Variants in WNT7A observed in about 807,000 individuals in gnomAD.
WNT7A encodes the protein Wnt family member 7A, also known as protein Wnt-7a.
Under a neutral mutation model 28.2 loss-of-function variants are expected in WNT7A, and 16 were observed. The ratio of observed to expected loss-of-function variants is 0.57; its 90% CI spans 0.38 to 0.86. The LOEUF is 0.86. Among genes scored for constraint, WNT7A ranks in the 40% least tolerant of loss-of-function variants. WNT7A has a pLI of 0.00. For synonymous variants in WNT7A, 190 were observed against 195.9 expected (o/e 0.97, Z 0.25); for missense variants, 411 against 489.7 (o/e 0.84, Z 1.52).
chr3:13,818,818 C>T lies in WNT7A; in HGVS notation c.*126G>A. On this transcript the variant is annotated 3_prime_UTR_variant, in exon 4 of 4. Coordinates refer to ENST00000285018, the MANE Select transcript of WNT7A (RefSeq NM_004625.4). Reference sequence around the variant, plus strand: ...CCCCCACGGATGCCTGCAGGAAACCCAGGAAAAGTACCCTCCTCAGCAGAA... The same window carrying T: ...CCCCCACGGATGCCTGCAGGAAACCTAGGAAAAGTACCCTCCTCAGCAGAA... The T allele has an allele frequency of 1.4e-6, 2 of 1,401,028 alleles. No individual in the cohort carries two copies. Among genetic ancestry groups the T allele is most frequent in the Non-Finnish European group, 1.9e-6 (2 of 1,067,412 alleles). 86.8% of individuals were successfully genotyped at this position (1,401,028 alleles called of 1,614,324 possible). A position where few individuals can be genotyped will look rare whatever the true frequency, so the allele number is the denominator to read the frequency against.
chr3:13,820,513 A>C (rs1448207635), intron 3 of WNT7A, among the ~76,000 whole-genome samples: 2 of 151,994 alleles, frequency 1.3e-5, no homozygotes, highest in East Asian at 1.9e-4. Flanking sequence ...CCTGCTGGCC[A>C]CTTAGTTCCC....
chr3:13,830,429 G>T (rs1196797972), intron 3 of WNT7A, among the ~76,000 whole-genome samples: 1 of 152,104 alleles, frequency 6.6e-6, no homozygotes, highest in Non-Finnish European at 1.5e-5. Flanking sequence ...CATGTTTCTT[G>T]TCTCCAAGCA....
Position 13,818,469 on chromosome 3 carries a change from A to G in WNT7A, c.*475T>C, listed in dbSNP as rs1163924563. 1 of 152,068 alleles carries G rather than the reference A, an allele frequency of 6.6e-6. No homozygotes were observed. The highest frequency in any genetic ancestry group is 1.5e-5 in the Non-Finnish European group (1 of 68,052). The allele number at this position is 152,068 out of a possible 1,614,324, so 9.4% of individuals were successfully genotyped here. On this transcript the variant is annotated 3_prime_UTR_variant, in exon 4 of 4. Coordinates refer to ENST00000285018, the MANE Select transcript of WNT7A (RefSeq NM_004625.4). The stretch of plus-strand genomic sequence containing the variant: ...ACCTGCAAAATCAGCTAGTAGAAAT[A>G]TCTGCATAAAGAATAGTTATGTACA...
At chr3:13,864,168 A>C (rs1298209166) in intron 2 of WNT7A, among the ~76,000 whole-genome samples, 1 of 152,190 alleles carries the variant, frequency 6.6e-6, no homozygotes, top group Non-Finnish European at 1.5e-5. Flanking sequence ...TTTGCCGATG[A>C]TAATGCTGGA....
chr3:13,819,045 G>A lies in WNT7A; in HGVS notation c.949C>T (p.Gln317Ter), dbSNP rs1694065552. 6.2e-7 allele frequency: 1 copy of A among 1,613,700 alleles called. No individual in the cohort carries two copies. The highest frequency in any genetic ancestry group is 8.5e-7 in the Non-Finnish European group (1 of 1,179,654). The change falls in exon 4 of 4, where the codon CAG becomes TAG. Residue 317 changes from glutamine to a stop codon, truncating the protein, a stop_gained. Coordinates refer to ENST00000285018, the MANE Select transcript of WNT7A (RefSeq NM_004625.4). LOFTEE classifies it high-confidence loss of function. ...MCCGRGYNTH[Q>*]YARVWQCNCK... ...TTGCACTGCCACACGCGGGCGTACT[G>A]GTGGGTGTTGTAGCCACGCCCACAG...
chr3:13,836,192 C>G (rs1471594038), intron 3 of WNT7A, among the ~76,000 whole-genome samples: 1 of 135,426 alleles, frequency 7.4e-6, no homozygotes, highest in African/African-American at 2.8e-5. Context: ...CTCAGTAAAG[C>G]TGGTTTTTAA....
rs1047280025 is a variant in WNT7A, at chr3:13,832,672, A to G, written c.571-13249T>C. Among the ~76,000 whole-genome samples, 9 of 151,708 alleles carry G rather than the reference A, an allele frequency of 5.9e-5. No individual in the cohort carries two copies. In the East Asian group the frequency reaches 7.7e-4, roughly 13 times the overall value. On this transcript the variant is annotated intron_variant, in intron 3 of 3. Coordinates refer to ENST00000285018, the MANE Select transcript of WNT7A (RefSeq NM_004625.4). ...AAATGGCTTTTTTTTTTTTCTGTAAACATTTGAGGTATTTTCTTTTTGGTG... is the reference window on the plus strand; with the variant it reads ...AAATGGCTTTTTTTTTTTTCTGTAAGCATTTGAGGTATTTTCTTTTTGGTG...
rs1396239139 is a variant in WNT7A, at chr3:13,818,067, TAAG to T, written c.*874_*876del. ...CTTACCCCTAAGTGAGTACCAGAAT[TAAG>T]AAGAAGCACAGGCCGTGGAATGATA... is the stretch of plus-strand genomic sequence containing the variant. On this transcript the variant is annotated 3_prime_UTR_variant, in exon 4 of 4. Coordinates refer to ENST00000285018, the MANE Select transcript of WNT7A (RefSeq NM_004625.4). The T allele has an allele frequency of 6.6e-6, 1 of 152,036 alleles. No individual in the cohort carries two copies. Among genetic ancestry groups the T allele is most frequent in the African/African-American group, 2.4e-5 (1 of 41,396 alleles). The allele number at this position is 152,036 out of a possible 1,614,324, so 9.4% of individuals were successfully genotyped here.
chr3:13,854,918 G>C (rs992028620), intron 2 of WNT7A, 115 bp from the exon 3 acceptor site: 4 of 1,397,692 alleles, frequency 2.9e-6, no homozygotes, highest in Non-Finnish European at 4.0e-6. Flanking sequence ...TCCAAAGCTC[G>C]ACTGAGTACC....
chr3:13,844,815 T>C (rs1694513621), intron 3 of WNT7A, among the ~76,000 whole-genome samples: 1 of 152,182 alleles, frequency 6.6e-6, no homozygotes, highest in South Asian at 2.1e-4. Context: ...TGCCAACTCC[T>C]GGTGCCAGAC....
intron 2 of WNT7A, among the ~76,000 whole-genome samples, chr3:13,872,533 C>T (rs1372323822): frequency 6.6e-6 from 1 of 152,154 alleles, no homozygotes; most frequent in Non-Finnish European, 1.5e-5. Context: ...TTCCAGGCTC[C>T]TCCGACCAAC....
At chr3:13,838,656 A>G (rs1343761082) in intron 3 of WNT7A, among the ~76,000 whole-genome samples, 1 of 152,228 alleles carries the variant, frequency 6.6e-6, no homozygotes, top group African/African-American at 2.4e-5. Context: ...TGGAGCCCCC[A>G]AAGTTTTGCA....
intron 3 of WNT7A, among the ~76,000 whole-genome samples, chr3:13,829,064 G>A (rs1457581980): frequency 2.6e-5 from 4 of 152,112 alleles, no homozygotes; most frequent in Non-Finnish European, 5.9e-5. Flanking sequence ...ACAGAGACCC[G>A]GAAAAGCAAC....
At chr3:13,832,571 T>C (rs1227883722) in intron 3 of WNT7A, among the ~76,000 whole-genome samples, 1 of 152,074 alleles carries the variant, frequency 6.6e-6, no homozygotes, top group Non-Finnish European at 1.5e-5. Flanking sequence ...CCCATGTCGA[T>C]CCATCTTAGC....
chr3:13,871,831 C>T (rs74464529), intron 2 of WNT7A, among the ~76,000 whole-genome samples: 9,636 of 152,182 alleles, frequency 0.063, 492 homozygotes, highest in South Asian at 0.19. Context: ...CTGTCCCTCC[C>T]TTATTGTCTC....
intron 2 of WNT7A, 106 bp downstream of exon 2, chr3:13,874,841 G>A (rs756210572): frequency 3.3e-5 from 38 of 1,152,504 alleles, no homozygotes; most frequent in Non-Finnish European, 4.7e-5. Flanking sequence ...CATACTGAGG[G>A]ATATTCTAGC....
intron 3 of WNT7A, among the ~76,000 whole-genome samples, chr3:13,828,284 G>A (rs1413432333): frequency 6.6e-6 from 1 of 152,246 alleles, no homozygotes; most frequent in Non-Finnish European, 1.5e-5. Flanking sequence ...CATGGGGCCA[G>A]AGGATGGCAT....
intron 2 of WNT7A, among the ~76,000 whole-genome samples, chr3:13,856,990 A>AAGAAGAAGGAGAAGGAGAAGAAGAAGG (rs1694756416): frequency 6.9e-6 from 1 of 145,364 alleles, no homozygotes; most frequent in Non-Finnish European, 1.5e-5. Context: ...GAAGAAGGAG[A>AAGAAGAAGGAGAAGGAGAAGAAGAAGG]AGAAGAAGAA....
chr3:13,859,395 C>T lies in WNT7A; in HGVS notation c.299-4592G>A, dbSNP rs145609064. On this transcript the variant is annotated intron_variant, in intron 2 of 3. Transcript: ENST00000285018. Reference sequence around the variant, plus strand: ...TCCATTTCCTCATCTGTTATTAGCACCTACCCTGTAGGAAGAGGTAGACAT... The same window carrying T: ...TCCATTTCCTCATCTGTTATTAGCATCTACCCTGTAGGAAGAGGTAGACAT... Among the ~76,000 whole-genome samples the T allele has an allele frequency of 4.9e-3, 743 of 152,310 alleles. 1 individual carries two copies. The highest frequency in any genetic ancestry group is 0.013 in the African/African-American group (556 of 41,548).
Sources: allele counts gnomAD v4.1 joint callset (sites outside exome capture counted in the v4.1 genomes callset), GRCh38; gene constraint gnomAD v4.1.1; transcripts MANE v1.5; gene names NCBI Gene and HGNC (gene_info 2026-07-23, HGNC 2026-07-21).